The following TMEM163 variants were observed in gnomAD, a reference collection of about 807,000 sequenced individuals.
TMEM163 encodes transmembrane protein 163.
Under a neutral mutation model 29.3 loss-of-function variants are expected in TMEM163, and 17 were observed. The ratio of observed to expected loss-of-function variants is 0.58; its 90% CI spans 0.40 to 0.87. The LOEUF (loss-of-function observed/expected upper bound fraction) is 0.87, where lower values mean the gene tolerates loss of function less well. TMEM163 is among the 40% of genes least tolerant of loss of function. TMEM163 has a pLI of 0.00. For synonymous variants in TMEM163, 157 were observed against 160.6 expected (o/e 0.98, Z 0.17); for missense variants, 303 against 381.5 (o/e 0.79, Z 1.71).
At chr2:134,484,807 T>G (rs916729896) in intron 5 of TMEM163, among the ~76,000 whole-genome samples, 2 of 151,762 alleles carry the variant, frequency 1.3e-5, no homozygotes, top group Admixed American at 1.3e-4. Flanking sequence ...TCAACCAGAG[T>G]AGGAAGTCCA....
At chr2:134,655,531 G>A in intron 2 of TMEM163, among the ~76,000 whole-genome samples, 1 of 139,784 alleles carries the variant, frequency 7.2e-6, no homozygotes, top group South Asian at 2.4e-4. Flanking sequence ...ATCGTCTGAA[G>A]CCTTCTTCTC....
At chr2:134,698,283 C>T (rs2104889135) in intron 2 of TMEM163, among the ~76,000 whole-genome samples, 1 of 152,290 alleles carries the variant, frequency 6.6e-6, no homozygotes, top group East Asian at 1.9e-4. Context: ...CTTGGATTAA[C>T]ATCTTTAATG....
intron 2 of TMEM163, among the ~76,000 whole-genome samples, chr2:134,608,809 C>G: frequency 2.9e-5 from 1 of 34,536 alleles, no homozygotes; most frequent in African/African-American, 1.7e-4. Context: ...GTGAAAAGGA[C>G]AGACCCCGAG....
intron 2 of TMEM163, among the ~76,000 whole-genome samples, chr2:134,604,807 C>G (rs143086025): frequency 3.1e-3 from 476 of 152,270 alleles, no homozygotes; most frequent in Middle Eastern, 6.8e-3. Context: ...AAAATATTCT[C>G]AACTTTACTA....
intron 2 of TMEM163, among the ~76,000 whole-genome samples, chr2:134,607,802 G>A (rs1469084059): frequency 1.5e-3 from 70 of 45,786 alleles, no homozygotes; most frequent in African/African-American, 6.9e-3. Flanking sequence ...GTGAAAAGGA[G>A]GACAGACCCC....
rs1215670840 is a variant in TMEM163 at position 134,455,889 on chromosome 2, G to C, written c.*827C>G. ...ATCTAAACCTACCGTGACATCAGCT[G>C]AGAACGTCTTGTTCCTTACAGAGGG... On this transcript the variant is annotated 3_prime_UTR_variant, in exon 8 of 8. Transcript: ENST00000281924. 1 of 152,640 alleles carries C rather than the reference G, an allele frequency of 6.6e-6. No homozygotes were observed. The highest frequency in any genetic ancestry group is 2.4e-5 in the African/African-American group (1 of 41,446). 9.5% of individuals were successfully genotyped at this position (152,640 alleles called of 1,614,324 possible).
At chr2:134,600,173 T>A (rs1264008198) in intron 2 of TMEM163, among the ~76,000 whole-genome samples, 2 of 152,208 alleles carry the variant, frequency 1.3e-5, no homozygotes, top group African/African-American at 4.8e-5. Context: ...CATACAACTG[T>A]GACACTGGCT....
At chr2:134,458,999 G>A (rs915977071) in intron 6 of TMEM163, 6 of 152,184 alleles carry the variant, frequency 3.9e-5, no homozygotes, top group African/African-American at 1.4e-4. Flanking sequence ...AGGCCACATG[G>A]GAAGGGAAGG....
At position 134,631,212 on chromosome 2, in the gene TMEM163, G is replaced by A. The variant is rs143694653; in HGVS notation, c.323-79121C>T. Reference sequence around the variant, plus strand: ...ATGTCAAGGGGGACATGGCAGTTCCGACATTCGCAGGCAGTTGGGAAGGGT... The same window carrying A: ...ATGTCAAGGGGGACATGGCAGTTCCAACATTCGCAGGCAGTTGGGAAGGGT... On this transcript the variant is annotated intron_variant, in intron 2 of 7. Transcript: ENST00000281924. Among the ~76,000 whole-genome samples, 737 of 152,250 alleles carry A rather than the reference G, an allele frequency of 4.8e-3. 5 individuals are homozygous for A. Among genetic ancestry groups the A allele is most frequent in the African/African-American group, 0.017 (692 of 41,534 alleles).
chr2:134,600,347 A>C (rs1298382976), intron 2 of TMEM163, among the ~76,000 whole-genome samples: 1 of 152,204 alleles, frequency 6.6e-6, no homozygotes, highest in Non-Finnish European at 1.5e-5. Flanking sequence ...ATGGCATAAA[A>C]AATCTTGTCT....
intron 2 of TMEM163, among the ~76,000 whole-genome samples, chr2:134,573,710 GAACT>G (rs1574248784): frequency 6.6e-6 from 1 of 152,192 alleles, no homozygotes; most frequent in East Asian, 1.9e-4. Flanking sequence ...TGAGAAAACA[GAACT>G]AAAAAACACA....
Position 134,701,916 on chromosome 2 carries a change from CAA to C in TMEM163, c.322+11282_322+11283del, listed in dbSNP as rs71301801. Among the ~76,000 whole-genome samples, 290 of 66,530 alleles carry C rather than the reference CAA, an allele frequency of 4.4e-3. 2 individuals are homozygous for C. Among genetic ancestry groups the C allele is most frequent in the African/African-American group, 0.011 (239 of 21,380 alleles). The allele number at this position is 66,530 out of a possible 152,430, so 43.6% of individuals were successfully genotyped here. A position where few individuals can be genotyped will look rare whatever the true frequency, so the allele number is the denominator to read the frequency against. On this transcript the variant is annotated intron_variant, in intron 2 of 7. Coordinates refer to ENST00000281924, the MANE Select transcript of TMEM163 (RefSeq NM_030923.5). ...CTGGGAGACAAGACCAAAACTGTCT[CAA>C]AAAAAAAAAAAAAAAAAAAGAATTT...
rs993800107 is a variant in TMEM163, at chr2:134,535,062, C to T, written c.458+15508G>A. On this transcript the variant is annotated intron_variant, in intron 4 of 7. Transcript: ENST00000281924. ...ACCACTACTATTTTGGAAAAGTACTCAATTTCAGATTCTAACACATGTCCT... is the reference window on the plus strand; with the variant it reads ...ACCACTACTATTTTGGAAAAGTACTTAATTTCAGATTCTAACACATGTCCT... Among the ~76,000 whole-genome samples the T allele has an allele frequency of 4.2e-4, 64 of 152,184 alleles. 2 individuals carry two copies. The highest frequency in any genetic ancestry group is 2.9e-5 in the Non-Finnish European group (2 of 68,022).
intron 2 of TMEM163, among the ~76,000 whole-genome samples, chr2:134,635,902 A>G (rs1683092447): frequency 6.6e-6 from 1 of 152,118 alleles, no homozygotes; most frequent in Non-Finnish European, 1.5e-5. Flanking sequence ...CATGAACAAC[A>G]TTCGGGGTTG....
At chr2:134,515,434 A>G (rs1321488346) in intron 4 of TMEM163, among the ~76,000 whole-genome samples, 27 of 152,186 alleles carry the variant, frequency 1.8e-4, no homozygotes, top group Non-Finnish European at 4.0e-4. Context: ...AATACTCCAT[A>G]ATTTCCTTAG....
chr2:134,700,945 A>AATAAATACATAAATAC (rs1684689733), intron 2 of TMEM163, among the ~76,000 whole-genome samples: 1 of 143,246 alleles, frequency 7.0e-6, no homozygotes, highest in Non-Finnish European at 1.5e-5. Flanking sequence ...TAAATAAATA[A>AATAAATACATAAATAC]ATAAAGTAAA....
intron 2 of TMEM163, among the ~76,000 whole-genome samples, chr2:134,611,714 G>T (rs1682507093): frequency 6.6e-6 from 1 of 152,196 alleles, no homozygotes; most frequent in African/African-American, 2.4e-5. Flanking sequence ...TTGTAATCCG[G>T]AGGAGACCTG....
At chr2:134,628,719 T>C (rs768233807) in intron 2 of TMEM163, among the ~76,000 whole-genome samples, 1 of 152,226 alleles carries the variant, frequency 6.6e-6, no homozygotes, top group Non-Finnish European at 1.5e-5. Context: ...TGCACCTGGT[T>C]TCTCTTGACC....
At chr2:134,554,679 AAAC>A (rs1681009991) in intron 2 of TMEM163, among the ~76,000 whole-genome samples, 1 of 152,196 alleles carries the variant, frequency 6.6e-6, no homozygotes, top group Admixed American at 6.5e-5. Context: ...ATCTGGACTC[AAAC>A]AAAGGAGATG....
Sources: gnomAD v4.1 joint callset for allele counts (sites outside exome capture counted in the v4.1 genomes callset) on GRCh38, gnomAD v4.1.1 for gene constraint, MANE v1.5 for transcripts, NCBI Gene and HGNC (gene_info 2026-07-23, HGNC 2026-07-21) for gene names.